The following POU6F2 variants were observed in gnomAD, a reference collection of about 807,000 sequenced individuals.
POU6F2 encodes POU class 6 homeobox 2.
POU6F2 carries 31 observed loss-of-function variants against 71.3 expected under a neutral mutation model. The observed-to-expected ratio is 0.43, with a 90% confidence interval of 0.33 to 0.59. The LOEUF is 0.59. POU6F2 is among the 20% of genes least tolerant of loss of function. POU6F2 has a pLI of 0.04. For missense variants in POU6F2, 783 were observed against 856.8 expected (o/e 0.91, Z 1.07); for synonymous variants, 347 against 355.7 (o/e 0.98, Z 0.27).
chr7:39,218,268 A>G (rs1245206407), intron 4 of POU6F2, among the ~76,000 whole-genome samples: 2 of 152,216 alleles, frequency 1.3e-5, no homozygotes, highest in Non-Finnish European at 2.9e-5. Context: ...ATGGAAGGGA[A>G]GCAGGTTTAC....
At chr7:39,216,704 C>G (rs1794250075) in intron 4 of POU6F2, among the ~76,000 whole-genome samples, 1 of 152,096 alleles carries the variant, frequency 6.6e-6, no homozygotes, top group Admixed American at 6.5e-5. Context: ...AGTGAATGCT[C>G]TAGGGCTTCA....
At chr7:39,346,368 G>A (rs1219867415) in intron 5 of POU6F2, among the ~76,000 whole-genome samples, 3 of 152,200 alleles carry the variant, frequency 2.0e-5, no homozygotes, top group Admixed American at 1.3e-4. Flanking sequence ...GGAAACTCAC[G>A]TCAAGTAGCG....
At chr7:39,414,005 C>T (rs559040543) in intron 6 of POU6F2, among the ~76,000 whole-genome samples, 195 of 152,308 alleles carry the variant, frequency 1.3e-3, no homozygotes, top group Non-Finnish European at 1.6e-3. Flanking sequence ...GCAGCCGTCT[C>T]GCGTGGGACC....
intron 2 of POU6F2, among the ~76,000 whole-genome samples, chr7:39,139,382 C>T (rs1335775386): frequency 3.9e-5 from 6 of 152,096 alleles, no homozygotes; most frequent in Non-Finnish European, 7.4e-5. Context: ...TTTTATGAGT[C>T]CCAGTTTAGA....
intron 4 of POU6F2, among the ~76,000 whole-genome samples, chr7:39,289,835 A>G (rs1376362419): frequency 6.6e-6 from 1 of 152,126 alleles, no homozygotes; most frequent in African/African-American, 2.4e-5. Flanking sequence ...GTGTGGGGCA[A>G]TCCTCATGGG....
chr7:39,176,718 C>T (rs1313807544), intron 2 of POU6F2, among the ~76,000 whole-genome samples: 1 of 152,172 alleles, frequency 6.6e-6, no homozygotes, highest in Admixed American at 6.5e-5. Flanking sequence ...ACACATACCC[C>T]ATATCTTGTG....
At chr7:39,182,745 C>T (rs2128741764) in intron 2 of POU6F2, among the ~76,000 whole-genome samples, 1 of 152,200 alleles carries the variant, frequency 6.6e-6, no homozygotes. Context: ...TTTTCTAACC[C>T]AGTCTTCCTG....
At chr7:39,022,266 T>C (rs1789693397) in intron 1 of POU6F2, among the ~76,000 whole-genome samples, 1 of 152,128 alleles carries the variant, frequency 6.6e-6, no homozygotes, top group African/African-American at 2.4e-5. Context: ...TCTCTTTTTT[T>C]GGATAAAATG....
At chr7:39,058,920 T>C (rs1211226157) in intron 1 of POU6F2, among the ~76,000 whole-genome samples, 1 of 152,202 alleles carries the variant, frequency 6.6e-6, no homozygotes, top group Admixed American at 6.5e-5. Flanking sequence ...TTTAAAAAAT[T>C]ATATTTATGA....
intron 7 of POU6F2, among the ~76,000 whole-genome samples, chr7:39,441,302 G>A (rs2108720): frequency 0.34 from 50,986 of 151,332 alleles, 9,590 homozygotes; most frequent in East Asian, 0.58. Context: ...TCTACTGTGA[G>A]CAAACCATTT....
At position 39,270,994 on chromosome 7, in the gene POU6F2, C is replaced by T. The variant is rs114086405; in HGVS notation, c.598+63374C>T. On this transcript the variant is annotated intron_variant, in intron 4 of 9. Coordinates refer to ENST00000518318, the MANE Select transcript of POU6F2 (RefSeq NM_001370959.1). ...TGGCCCAGTTAGCTTTGCCCTCACA[C>T]ACCCCACAGAACACAGAGCAGTCTC... Among the ~76,000 whole-genome samples, 1,492 of 152,272 alleles carry T rather than the reference C, an allele frequency of 9.8e-3. 20 individuals carry two copies. The highest frequency in any genetic ancestry group is 0.034 in the African/African-American group (1,411 of 41,538).
chr7:39,085,330 C>CT (rs935094766), intron 1 of POU6F2, among the ~76,000 whole-genome samples: 6 of 152,174 alleles, frequency 3.9e-5, no homozygotes, highest in East Asian at 1.9e-4. Flanking sequence ...TTCGAGGTCT[C>CT]TTTTCTCCCT....
intron 7 of POU6F2, among the ~76,000 whole-genome samples, chr7:39,450,359 T>G (rs565431584): frequency 6.6e-6 from 1 of 152,272 alleles, no homozygotes; most frequent in East Asian, 1.9e-4. Context: ...ATGAAAGCAC[T>G]TTACAAACCA....
chr7:39,338,627 T>G (rs1785836869), intron 4 of POU6F2, among the ~76,000 whole-genome samples: 1 of 152,230 alleles, frequency 6.6e-6, no homozygotes, highest in African/African-American at 2.4e-5. Flanking sequence ...CTAAGGCCTG[T>G]GGGTTTGACA....
At chr7:39,335,222 G>GCTTATAATAACAGCCATGTTTCTCTGTTC (rs1785744021) in intron 4 of POU6F2, among the ~76,000 whole-genome samples, 2 of 152,226 alleles carry the variant, frequency 1.3e-5, no homozygotes, top group East Asian at 3.9e-4. Context: ...CCACTCTGTT[G>GCTTATAATAACAGCCATGTTTCTCTGTTC]CTTATAATAA....
rs897917567 is a variant in POU6F2 at position 39,199,179 on chromosome 7, G to A, written c.278-5056G>A. On this transcript the variant is annotated intron_variant, in intron 2 of 9. Coordinates refer to ENST00000518318, the MANE Select transcript of POU6F2 (RefSeq NM_001370959.1). ...TTAAGCACTGTACTTTGGAGGGATC[G>A]CTGACACATGGGAGGAAGTGGAGTT... Among the ~76,000 whole-genome samples the A allele has an allele frequency of 5.9e-5, 9 of 152,270 alleles. No individual in the cohort carries two copies. In the South Asian group the frequency reaches 1.0e-3, roughly 18 times the overall value.
chr7:39,388,790 ACT>A (rs1340629165), intron 5 of POU6F2, among the ~76,000 whole-genome samples: 1 of 152,076 alleles, frequency 6.6e-6, no homozygotes, highest in Non-Finnish European at 1.5e-5. Flanking sequence ...TAGTACATAA[ACT>A]CTATTTCATA....
At chr7:39,042,267 G>A (rs1408307281) in intron 1 of POU6F2, among the ~76,000 whole-genome samples, 1 of 151,998 alleles carries the variant, frequency 6.6e-6, no homozygotes, top group Non-Finnish European at 1.5e-5. Context: ...ACTCCCCACT[G>A]TGGCATACAT....
intron 2 of POU6F2, among the ~76,000 whole-genome samples, chr7:39,125,635 AAG>A (rs1286105152): frequency 6.6e-6 from 1 of 152,182 alleles, no homozygotes; most frequent in African/African-American, 2.4e-5. Flanking sequence ...GAGAGCAAGA[AAG>A]AGAGAGGAGG....
Sources: allele counts gnomAD v4.1 joint callset (sites outside exome capture counted in the v4.1 genomes callset), GRCh38; gene constraint gnomAD v4.1.1; transcripts MANE v1.5; gene names NCBI Gene and HGNC (gene_info 2026-07-23, HGNC 2026-07-21).